Variants in GRB2 observed in about 807,000 individuals in gnomAD.
The protein encoded by GRB2 is growth factor receptor bound protein 2, also known as growth factor receptor-bound protein 2.
Under a neutral mutation model 27.4 loss-of-function variants are expected in GRB2, and 2 were observed. That is an observed-to-expected ratio of 0.07 (90% confidence interval 0.03 to 0.23). The LOEUF is 0.23. Ranked by LOEUF, GRB2 falls within the 10% of genes least tolerant of loss-of-function variation. GRB2 has a pLI of 1.00. For missense variants in GRB2, 102 were observed against 282.4 expected (o/e 0.36, Z 4.58); for synonymous variants, 94 against 99.6 (o/e 0.94, Z 0.33).
At chr17:75,341,916 G>A (rs1178873627) in intron 2 of GRB2, among the ~76,000 whole-genome samples, 1 of 152,078 alleles carries the variant, frequency 6.6e-6, no homozygotes, top group Non-Finnish European at 1.5e-5. Context: ...AATATAGTCT[G>A]GCATTCCAGT....
chr17:75,383,956 A>C (rs1331839652), intron 2 of GRB2, among the ~76,000 whole-genome samples: 2 of 152,214 alleles, frequency 1.3e-5, no homozygotes, highest in Non-Finnish European at 1.5e-5. Flanking sequence ...TACAGATGTC[A>C]GAACCAAAAC....
At chr17:75,332,070 G>C (rs1296702894) in intron 3 of GRB2, among the ~76,000 whole-genome samples, 2 of 152,188 alleles carry the variant, frequency 1.3e-5, no homozygotes, top group East Asian at 3.8e-4. Context: ...AGCAGGGCCT[G>C]TGAATGAGGG....
At chr17:75,377,545 AG>A (rs1233343969) in intron 2 of GRB2, among the ~76,000 whole-genome samples, 1 of 134,452 alleles carries the variant, frequency 7.4e-6, no homozygotes, top group African/African-American at 2.8e-5. Flanking sequence ...GCTTGAGCCT[AG>A]GAAGTTGAGG....
chr17:75,368,311 G>T (rs7223998), intron 2 of GRB2, among the ~76,000 whole-genome samples: 4 of 149,498 alleles, frequency 2.7e-5, no homozygotes, highest in African/African-American at 9.8e-5. Context: ...CGCCTCCCAT[G>T]GTCAAGCGAT....
At chr17:75,358,829 A>G (rs960046895) in intron 2 of GRB2, among the ~76,000 whole-genome samples, 14 of 142,666 alleles carry the variant, frequency 9.8e-5, no homozygotes, top group Non-Finnish European at 1.7e-4. Context: ...GGTTGCAGTG[A>G]GCTGAGATTG....
chr17:75,323,912 T>G (rs1487710456), intron 4 of GRB2, among the ~76,000 whole-genome samples: 2 of 151,932 alleles, frequency 1.3e-5, no homozygotes, highest in Non-Finnish European at 2.9e-5. Flanking sequence ...TAGGTTCAAG[T>G]GATTCTCCTG....
chr17:75,385,821 G>A (rs1263953007), intron 2 of GRB2, among the ~76,000 whole-genome samples: 1 of 152,170 alleles, frequency 6.6e-6, no homozygotes, highest in Non-Finnish European at 1.5e-5. Flanking sequence ...GTTTCTCTGT[G>A]CAAGTGTAGG....
chr17:75,357,804 C>T (rs1021327429), intron 2 of GRB2, among the ~76,000 whole-genome samples: 6 of 152,158 alleles, frequency 3.9e-5, no homozygotes, highest in Admixed American at 3.9e-4. Context: ...GCCTGTAATC[C>T]CAGCTACTGG....
intron 3 of GRB2, among the ~76,000 whole-genome samples, chr17:75,331,414 C>G (rs1454716996): frequency 1.3e-5 from 2 of 152,170 alleles, no homozygotes; most frequent in Non-Finnish European, 2.9e-5. Context: ...TACAACTTTC[C>G]AAGGAAGGTA....
rs1440655867 is a variant in GRB2, at chr17:75,403,171, A to AAT, written c.-138+2316_-138+2317dup. ...ACCAAAAAAAATATATATATATATA[A>AAT]ATATATATATATATACAGACTCTCA... is the stretch of plus-strand genomic sequence containing the variant. On this transcript the variant is annotated intron_variant, in intron 1 of 5. Transcript: ENST00000316804. Among the ~76,000 whole-genome samples, 738 of 146,008 alleles carry AAT rather than the reference A, an allele frequency of 5.1e-3. 2 individuals carry two copies. Among genetic ancestry groups the AAT allele is most frequent in the African/African-American group, 0.015 (596 of 40,236 alleles).
intron 2 of GRB2, among the ~76,000 whole-genome samples, chr17:75,365,280 G>C (rs376518367): frequency 2.6e-5 from 4 of 151,914 alleles, no homozygotes; most frequent in Admixed American, 2.6e-4. Flanking sequence ...GATCTCCTAC[G>C]GTTAACTTTC....
chr17:75,337,918 A>ATTATTAT (rs1240248282), intron 2 of GRB2, among the ~76,000 whole-genome samples: 2 of 142,100 alleles, frequency 1.4e-5, no homozygotes, highest in African/African-American at 5.2e-5. Context: ...TATTATTATT[A>ATTATTAT]TTATTATTAT....
chr17:75,392,024 C>T (rs1462640806), intron 2 of GRB2, among the ~76,000 whole-genome samples: 3 of 152,088 alleles, frequency 2.0e-5, no homozygotes, highest in East Asian at 3.9e-4. Flanking sequence ...TTTGTACAGG[C>T]TATAGATGTG....
intron 2 of GRB2, chr17:75,373,673 A>C (rs2078870466): frequency 6.6e-6 from 1 of 152,188 alleles, no homozygotes; most frequent in African/African-American, 2.4e-5. Context: ...AAAGCTCTTA[A>C]AACAGGGTAT....
intron 2 of GRB2, among the ~76,000 whole-genome samples, chr17:75,362,868 A>G (rs2078793705): frequency 1.3e-5 from 2 of 152,330 alleles, no homozygotes; most frequent in South Asian, 4.1e-4. Flanking sequence ...AAATACTGAC[A>G]GCCAAATAAA....
chr17:75,335,089 C>T, intron 2 of GRB2, among the ~76,000 whole-genome samples: 2 of 152,042 alleles, frequency 1.3e-5, no homozygotes, highest in Non-Finnish European at 2.9e-5. Flanking sequence ...CAGGTGTGAG[C>T]CACTGCGATT....
rs184843405 is a variant in GRB2 at position 75,367,977 on chromosome 17, A to C, written c.78+25574T>G. Reference sequence around the variant, plus strand: ...GGCTCACTGCAACCCCTGCCTCCCAAGTTCAAGCGATTCTCATGCCTCAGC... The same window carrying C: ...GGCTCACTGCAACCCCTGCCTCCCACGTTCAAGCGATTCTCATGCCTCAGC... On this transcript the variant is annotated intron_variant, in intron 2 of 5. Transcript: ENST00000316804. 2.9e-3 allele frequency among the ~76,000 whole-genome samples: 440 copies of C among 151,704 alleles called. 7 individuals carry two copies. The highest frequency in any genetic ancestry group is 0.01 in the African/African-American group (432 of 41,362).
chr17:75,353,073 T>C (rs1025165031), intron 2 of GRB2, among the ~76,000 whole-genome samples: 1 of 151,124 alleles, frequency 6.6e-6, no homozygotes, highest in Non-Finnish European at 1.5e-5. Context: ...TAGTCCCAGC[T>C]ACTCGGGAGG....
At chr17:75,351,101 G>A (rs920711290) in intron 2 of GRB2, among the ~76,000 whole-genome samples, 1 of 152,158 alleles carries the variant, frequency 6.6e-6, no homozygotes, top group Non-Finnish European at 1.5e-5. Context: ...AGGTGGAGAA[G>A]GGGTTACTGC....
Sources: allele counts gnomAD v4.1 joint callset (sites outside exome capture counted in the v4.1 genomes callset), GRCh38; gene constraint gnomAD v4.1.1; transcripts MANE v1.5; gene names NCBI Gene and HGNC (gene_info 2026-07-23, HGNC 2026-07-21).